Variants in KAT8 observed in about 807,000 individuals in gnomAD.
The protein encoded by KAT8 is histone acetyltransferase KAT8.
A neutral mutation model predicts 62.9 loss-of-function variants in KAT8; 40 were observed. The ratio of observed to expected loss-of-function variants is 0.64; its 90% CI spans 0.49 to 0.83. KAT8 has a LOEUF of 0.83. Ranked by LOEUF, KAT8 falls within the 40% of genes least tolerant of loss-of-function variation. KAT8 has a pLI of 0.00. For missense variants in KAT8, 387 were observed against 614.8 expected, an observed-to-expected ratio of 0.63 and a Z score of 3.92; for synonymous variants, 278 against 254.5, an observed-to-expected ratio of 1.09 and a Z score of -0.88.
At position 31,127,303 on chromosome 16, in the gene KAT8, G is replaced by A. The variant is rs1337206137; in HGVS notation, c.631G>A (p.Glu211Lys). 16 of 1,614,120 alleles carry A rather than the reference G, an allele frequency of 9.9e-6. No homozygotes were observed. Among genetic ancestry groups the A allele is most frequent in the Non-Finnish European group, 1.4e-5 (16 of 1,180,040 alleles). Reference sequence around the variant, plus strand: ...GAAACAGCCCAAGCTCTGGCTCTGCGAGTACTGCCTCAAGTACATGAAATA... The same window carrying A: ...GAAACAGCCCAAGCTCTGGCTCTGCAAGTACTGCCTCAAGTACATGAAATA... ...YGKQPKLWLC[E>K]YCLKYMKYEK... is the part of the protein sequence containing the mutation. The change falls in exon 5 of 11, where the codon GAG becomes AAG. Residue 211 changes from glutamate (E) to lysine (K), a missense_variant. Coordinates refer to ENST00000219797, the MANE Select transcript of KAT8 (RefSeq NM_032188.3).
Position 31,128,037 on chromosome 16 carries a change from T to C in KAT8, c.682-13T>C, listed in dbSNP as rs1427383394. The C allele has an allele frequency of 6.2e-7, 1 of 1,611,398 alleles. No individual in the cohort carries two copies. Among genetic ancestry groups the C allele is most frequent in the South Asian group, 1.1e-5 (1 of 91,046 alleles). On this transcript the variant is annotated splice_polypyrimidine_tract_variant and intron_variant, in intron 5 of 10. Transcript: ENST00000219797. ...CATATGGGCAGCGAACCTGTTCTCT[T>C]GTCCCCGACCAGGGTCAGTGCCAGT...
intron 3 of KAT8, 115 bp from the exon 4 acceptor site, chr16:31,126,920 T>C: frequency 8.9e-7 from 1 of 1,124,914 alleles, no homozygotes; most frequent in Middle Eastern, 2.0e-4. Flanking sequence ...TGGTTATTAT[T>C]GCCATCCAGG....
chr16:31,123,047 G>A (rs184056685), intron 3 of KAT8, among the ~76,000 whole-genome samples: 1 of 152,148 alleles, frequency 6.6e-6, no homozygotes, highest in East Asian at 1.9e-4. Flanking sequence ...GCCGGGCGTG[G>A]TGGTGCACAC....
In KAT8 at chr16:31,131,301, C is replaced by T; in HGVS notation, c.*42C>T. The T allele has an allele frequency of 1.2e-6, 2 of 1,609,990 alleles. No individual in the cohort carries two copies. The highest frequency in any genetic ancestry group is 1.7e-6 in the Non-Finnish European group (2 of 1,176,938). ...TGTCGGACCTGAGCCTCCTGGCTCC[C>T]AGCCTGTAAATATGTATAGACCTGT... is the stretch of plus-strand genomic sequence containing the variant. On this transcript the variant is annotated 3_prime_UTR_variant, in exon 11 of 11. Coordinates refer to ENST00000219797, the MANE Select transcript of KAT8 (RefSeq NM_032188.3).
At chr16:31,128,666 A>G (rs780226452) in intron 6 of KAT8, among the ~76,000 whole-genome samples, 10 of 152,222 alleles carry the variant, frequency 6.6e-5, no homozygotes, top group Non-Finnish European at 1.3e-4. Context: ...GTTAGGTTCA[A>G]ACTTGGGTTG....
At position 31,117,750 on chromosome 16, in the gene KAT8, C is replaced by A; in HGVS notation, c.69C>A (p.Pro23=). The A allele has an allele frequency of 7.2e-7, 1 of 1,380,526 alleles. No homozygotes were observed. Among genetic ancestry groups the A allele is most frequent in the Non-Finnish European group, 9.4e-7 (1 of 1,059,564 alleles). The allele number at this position is 1,380,526 out of a possible 1,614,324, so 85.5% of individuals were successfully genotyped here. A position where few individuals can be genotyped will look rare whatever the true frequency, so the allele number is the denominator to read the frequency against. ...CAGGGGTCGCGGGGGAGGGCGAGCC[C>A]GGGCCCGGGGAGAATGCGGCCGCTG... The part of the protein sequence containing the change: ...GTSGVAGEGE[P]GPGENAAAEG... Residue 23 remains proline (P), a synonymous_variant, in exon 1 of 11, where the codon CCC becomes CCA. Transcript: ENST00000219797.
In KAT8 at chr16:31,131,269, C is replaced by T. The variant is rs775739420; in HGVS notation, c.*10C>T. On this transcript the variant is annotated 3_prime_UTR_variant, in exon 11 of 11. Transcript: ENST00000219797. The stretch of plus-strand genomic sequence containing the variant: ...GCTCTCCAAGAAGTGAGCAGCCTGG[C>T]CCCTGCTGTCGGACCTGAGCCTCCT... 2.5e-6 allele frequency: 4 copies of T among 1,614,130 alleles called. No individual in the cohort carries two copies. The highest frequency in any genetic ancestry group is 2.5e-6 in the Non-Finnish European group (3 of 1,179,984).
intron 3 of KAT8, chr16:31,126,068 A>C (rs1191804357): frequency 1.3e-5 from 2 of 152,264 alleles, no homozygotes; most frequent in Non-Finnish European, 2.9e-5. Context: ...GGGAAAGAGC[A>C]CAATAACAAC....
chr16:31,130,954 A>G, intron 10 of KAT8, 54 bp downstream of exon 10: 1 of 1,581,560 alleles, frequency 6.3e-7, no homozygotes, highest in Non-Finnish European at 8.6e-7. Context: ...CAGTATATGG[A>G]CTGGTAGGAG....
chr16:31,129,967 T>G (rs1366266342), intron 6 of KAT8, 50 bp from the exon 7 acceptor site: 2 of 1,600,934 alleles, frequency 1.2e-6, no homozygotes, highest in Non-Finnish European at 8.5e-7. Flanking sequence ...ACCAGCTGGG[T>G]GGGGCCTGTG....
intron 1 of KAT8, 25 bp from the exon 2 acceptor site, chr16:31,120,161 T>G: frequency 1.2e-6 from 2 of 1,606,822 alleles, no homozygotes; most frequent in Non-Finnish European, 1.7e-6. Context: ...ACCTTCCTGA[T>G]GACCCTAGCC....
chr16:31,117,729 G>A lies in KAT8; in HGVS notation c.48G>A (p.Gly16=), dbSNP rs555327714. ...AAAAVAAGTS[G]VAGEGEPGPG... is the part of the protein sequence containing the mutation. ...CGGCGGTTGCGGCGGGGACTTCAGG[G>A]GTCGCGGGGGAGGGCGAGCCCGGGC... The change falls in exon 1 of 11, where the codon GGG becomes GGA. Residue 16 remains glycine, a synonymous_variant. Coordinates refer to ENST00000219797, the MANE Select transcript of KAT8 (RefSeq NM_032188.3). 30 of 1,379,186 alleles carry A rather than the reference G, an allele frequency of 2.2e-5. No homozygotes were observed. The African/African-American group carries it at 3.6e-4, about 17-fold the overall frequency. 85.4% of individuals were successfully genotyped at this position (1,379,186 alleles called of 1,614,324 possible).
intron 3 of KAT8, among the ~76,000 whole-genome samples, chr16:31,125,319 C>T (rs933136778): frequency 7.2e-5 from 11 of 151,920 alleles, no homozygotes; most frequent in African/African-American, 2.7e-4. Context: ...ATTGAAATAA[C>T]GCAGCTGGGT....
chr16:31,122,101 AT>A (rs1567434295), intron 3 of KAT8: 1 of 152,194 alleles, frequency 6.6e-6, no homozygotes, highest in Admixed American at 6.5e-5. Flanking sequence ...CCAGAGCAAG[AT>A]TTGTCAAAGT....
At chr16:31,128,257 C>T (rs1483427100) in intron 6 of KAT8, 118 bp downstream of exon 6, 3 of 771,748 alleles carry the variant, frequency 3.9e-6, no homozygotes, top group East Asian at 5.4e-5. Flanking sequence ...GGGCAGAATG[C>T]CTCTGAGGGG....
rs1251515639 is a variant in KAT8 at position 31,120,190 on chromosome 16, T to C, written c.216T>C (p.Ser72=). 1 of 1,613,994 alleles carries C rather than the reference T, an allele frequency of 6.2e-7. No individual in the cohort carries two copies. ...CCTAGCCTTTTTCCATCACAGATTC[T>C]GCTGAAGTGATCCAGTCTCGAGTGA... is the stretch of plus-strand genomic sequence containing the variant. ...LCRRPDSTWH[S]AEVIQSRVND... is the part of the protein sequence containing the mutation. The change falls in exon 2 of 11, where the codon TCT becomes TCC. Residue 72 remains serine (S), a synonymous_variant. Coordinates refer to ENST00000219797, the MANE Select transcript of KAT8 (RefSeq NM_032188.3).
intron 3 of KAT8, among the ~76,000 whole-genome samples, chr16:31,121,622 G>A (rs2057494282): frequency 6.6e-6 from 1 of 152,140 alleles, no homozygotes; most frequent in Non-Finnish European, 1.5e-5. Context: ...GTGTTGCTCA[G>A]GCTGGACTTG....
At chr16:31,122,011 A>C (rs527773316) in intron 3 of KAT8, among the ~76,000 whole-genome samples, 1 of 152,126 alleles carries the variant, frequency 6.6e-6, no homozygotes, top group Non-Finnish European at 1.5e-5. Flanking sequence ...TTAGCCTCCC[A>C]AAGTGCTGGG....
intron 3 of KAT8, among the ~76,000 whole-genome samples, chr16:31,125,135 T>C: frequency 6.6e-6 from 1 of 151,266 alleles, no homozygotes; most frequent in Non-Finnish European, 1.5e-5. Context: ...GAGGTTGTGG[T>C]GAGCTGAGAT....
Sources: gnomAD v4.1 joint callset for allele counts (sites outside exome capture counted in the v4.1 genomes callset) on GRCh38, gnomAD v4.1.1 for gene constraint, MANE v1.5 for transcripts, NCBI Gene and HGNC (gene_info 2026-07-23, HGNC 2026-07-21) for gene names.